Variants in ZSCAN29 observed in about 807,000 individuals in gnomAD.
The protein encoded by ZSCAN29 is zinc finger and SCAN domain containing 29, also known as zinc finger and SCAN domain-containing protein 29.
Under a neutral mutation model 71.9 loss-of-function variants are expected in ZSCAN29, and 55 were observed. The observed-to-expected ratio is 0.76, with a 90% CI of 0.62 to 0.96. ZSCAN29 has a LOEUF of 0.96. Ranked by LOEUF, ZSCAN29 falls within the 40% of genes least tolerant of loss-of-function variation. The pLI is 0.00. For synonymous variants in ZSCAN29, 351 were observed against 371.6 expected, an observed-to-expected ratio of 0.94 and a Z score of 0.64; for missense variants, 1,042 against 1,042.2, an observed-to-expected ratio of 1.00 and a Z score of 0.00.
rs2142743559 is a variant in ZSCAN29, at chr15:43,370,582, G to T, written c.-137C>A. 6.5e-6 allele frequency: 1 copy of T among 152,786 alleles called. No homozygotes were observed. The highest frequency in any genetic ancestry group is 1.5e-5 in the Non-Finnish European group (1 of 68,402). 9.5% of individuals were successfully genotyped at this position (152,786 alleles called of 1,614,324 possible). A position where few individuals can be genotyped will look rare whatever the true frequency, so the allele number is the denominator to read the frequency against. ...CCTGTCGGAAAACCTCGCGCAAGGA[G>T]AGAAGCTGGTTTTGGCTCCAAAGCG... On this transcript the variant is annotated 5_prime_UTR_variant, in exon 1 of 6. Coordinates refer to ENST00000684362, the MANE Select transcript of ZSCAN29 (RefSeq NM_001372080.1).
chr15:43,362,440 G>T (rs909884467), intron 5 of ZSCAN29, among the ~76,000 whole-genome samples: 4 of 152,066 alleles, frequency 2.6e-5, no homozygotes, highest in African/African-American at 9.7e-5. Flanking sequence ...TCCAATATAC[G>T]TTGCAAGTAA....
At position 43,366,648 on chromosome 15, in the gene ZSCAN29, T is replaced by G. The variant is rs144725049; in HGVS notation, c.684A>C (p.Arg228Ser). The change falls in exon 4 of 6, where the codon AGA becomes AGC. Residue 228 changes from arginine to serine, a missense_variant. Arg to Ser is a moderately radical substitution (Grantham distance 110, BLOSUM62 -1). Transcript: ENST00000684362. Reference sequence around the variant, plus strand: ...TCCAGTGATCCTGTTCCACCCAGCTTCTTCTATCTTTCTTGGATGGTAACA... The same window carrying G: ...TCCAGTGATCCTGTTCCACCCAGCTGCTTCTATCTTTCTTGGATGGTAACA... ...ADLLPSKKDR[R>S]SWVEQDHWSF... 833 of 1,614,204 alleles carry G rather than the reference T, an allele frequency of 5.2e-4. 5 individuals are homozygous for G. In the Middle Eastern group the frequency reaches 5.4e-3, roughly 11 times the overall value.
rs73401911 is a variant in ZSCAN29 at position 43,366,638 on chromosome 15, C to G, written c.694G>C (p.Glu232Gln). The part of the protein sequence containing the change: ...PSKKDRRSWV[E>Q]QDHWSFEDEK... ...TCTTCAAAGCTCCAGTGATCCTGTT[C>G]CACCCAGCTTCTTCTATCTTTCTTG... Residue 232 changes from glutamate (E) to glutamine (Q), a missense_variant, in exon 4 of 6, where the codon GAA becomes CAA. Coordinates refer to ENST00000684362, the MANE Select transcript of ZSCAN29 (RefSeq NM_001372080.1). The G allele has an allele frequency of 5.6e-3, 8,983 of 1,614,194 alleles. 393 individuals are homozygous for G. In the African/African-American group the frequency reaches 0.095, roughly 17 times the overall value.
At chr15:43,368,746 A>G (rs1022619147) in intron 3 of ZSCAN29, among the ~76,000 whole-genome samples, 177 bp downstream of exon 3, 1 of 152,214 alleles carries the variant, frequency 6.6e-6, no homozygotes, top group African/African-American at 2.4e-5. Context: ...CTAGGGAGCC[A>G]TTCTCTTGTG....
chr15:43,362,126 T>C (rs921153470), intron 5 of ZSCAN29, among the ~76,000 whole-genome samples, 185 bp from the exon 6 acceptor site: 1 of 152,238 alleles, frequency 6.6e-6, no homozygotes, highest in Non-Finnish European at 1.5e-5. Flanking sequence ...TAACCTATCA[T>C]GTGCTTCTCA....
In ZSCAN29 at chr15:43,358,509, A is replaced by AT. The variant is rs1274800631; in HGVS notation, c.*2563dup. ...TCCCTTAATTCCTAATAAATATTAGATTTTTTTGTACTAAGATTCAACAGC... is the reference window on the plus strand; with the variant it reads ...TCCCTTAATTCCTAATAAATATTAGATTTTTTTTGTACTAAGATTCAACAGC... On this transcript the variant is annotated 3_prime_UTR_variant, in exon 6 of 6. Transcript: ENST00000684362. 1.3e-5 allele frequency: 2 copies of AT among 152,178 alleles called. No individual in the cohort carries two copies. Among genetic ancestry groups the AT allele is most frequent in the South Asian group, 2.1e-4 (1 of 4,828 alleles). 9.4% of individuals were successfully genotyped at this position (152,178 alleles called of 1,614,324 possible).
Position 43,366,518 on chromosome 15 carries a change from A to C in ZSCAN29, c.814T>G (p.Cys272Gly). 1 of 1,614,236 alleles carries C rather than the reference A, an allele frequency of 6.2e-7. No homozygotes were observed. Residue 272 changes from cysteine (C) to glycine (G), a missense_variant, in exon 4 of 6, where the codon TGC becomes GGC. Cys to Gly is a radical substitution (Grantham distance 159, BLOSUM62 -3). Transcript: ENST00000684362. ...CCATACACTTGGCTGTTCCTATGGC[A>C]GTTTCTGAGAGCCTCATAAAACTCA... The part of the protein sequence containing the change: ...QTEFYEALRN[C>G]HRNSQVYGAV...
rs557247942 is a variant in ZSCAN29, at chr15:43,362,091, C to A, written c.1691-150G>T. The stretch of plus-strand genomic sequence containing the variant: ...ATAACTACCATTATCTTATTAAAAT[C>A]CCAATGTTTTACTTCTCTACTTGTT... On this transcript the variant is annotated intron_variant, in intron 5 of 5. Transcript: ENST00000684362. 6 of 790,904 alleles carry A rather than the reference C, an allele frequency of 7.6e-6. No homozygotes were observed. The African/African-American group carries it at 1.0e-4, about 14-fold the overall frequency. The allele number at this position is 790,904 out of a possible 1,614,324, so 49.0% of individuals were successfully genotyped here. A position where few individuals can be genotyped will look rare whatever the true frequency, so the allele number is the denominator to read the frequency against.
rs1206644896 is a variant in ZSCAN29 at position 43,358,522 on chromosome 15, A to G, written c.*2551T>C. ...AATAAATATTAGATTTTTTTGTACT[A>G]AGATTCAACAGCAGAATCCTAATTA... On this transcript the variant is annotated 3_prime_UTR_variant, in exon 6 of 6. Coordinates refer to ENST00000684362, the MANE Select transcript of ZSCAN29 (RefSeq NM_001372080.1). The G allele has an allele frequency of 6.6e-6, 1 of 152,218 alleles. No individual in the cohort carries two copies. Among genetic ancestry groups the G allele is most frequent in the Non-Finnish European group, 1.5e-5 (1 of 68,046 alleles). 9.4% of individuals were successfully genotyped at this position (152,218 alleles called of 1,614,324 possible).
At position 43,364,241 on chromosome 15, in the gene ZSCAN29, A is replaced by G; in HGVS notation, c.1364T>C (p.Leu455Pro). The change falls in exon 5 of 6, where the codon CTT becomes CCT. Residue 455 changes from leucine to proline, a missense_variant. Leu to Pro is a moderately conservative substitution (Grantham distance 98). Transcript: ENST00000684362. The stretch of plus-strand genomic sequence containing the variant: ...GGTCCGACACTGTTCTGGGGTCCTA[A>G]GAAAGCCATATTCCCATAACCTCTC... The part of the protein sequence containing the change: ...VAERLWEYGF[L>P]RTPEQCRTKF... The G allele has an allele frequency of 6.2e-7, 1 of 1,614,214 alleles. No individual in the cohort carries two copies. Among genetic ancestry groups the G allele is most frequent in the East Asian group, 2.2e-5 (1 of 44,886 alleles).
In ZSCAN29 at chr15:43,366,727, T is replaced by C. The variant is rs540688919; in HGVS notation, c.605A>G (p.Glu202Gly). ...GTGGCTGCCACTTGGAAGTTCTTTC[T>C]CCTTAGAGCCCAGCAGATCTGGGAT... is the stretch of plus-strand genomic sequence containing the variant. ...PWIPDLLGSK[E>G]KELPSGSHIG... The change falls in exon 4 of 6, where the codon GAG becomes GGG. Residue 202 changes from glutamate to glycine, a missense_variant. Transcript: ENST00000684362. The C allele has an allele frequency of 6.2e-6, 10 of 1,614,192 alleles. No homozygotes were observed. In the East Asian group the frequency reaches 2.2e-4, roughly 36 times the overall value.
rs781695131 is a variant in ZSCAN29, at chr15:43,364,311, G to C, written c.1294C>G (p.Leu432Val). ...TGGCTGTTGCGGTGACAGTTCCGGA[G>C]GGCTTCATAAAACTGGGTCTCACTA... ...ILSETQFYEA[L>V]RNCHRNSQLY... The change falls in exon 5 of 6, where the codon CTC becomes GTC. Residue 432 changes from leucine (L) to valine (V), a missense_variant. Leu to Val is a conservative substitution (Grantham distance 32). Transcript: ENST00000684362. 1 of 1,614,116 alleles carries C rather than the reference G, an allele frequency of 6.2e-7. No individual in the cohort carries two copies. The highest frequency in any genetic ancestry group is 8.5e-7 in the Non-Finnish European group (1 of 1,180,036).
rs747666309 is a variant in ZSCAN29 at position 43,361,278 on chromosome 15, G to C, written c.2354C>G (p.Thr785Arg). The C allele has an allele frequency of 8.7e-6, 14 of 1,614,008 alleles. 1 individual carries two copies. In the South Asian group the frequency reaches 1.5e-4, roughly 18 times the overall value. The change falls in exon 6 of 6, where the codon ACA becomes AGA. Residue 785 changes from threonine to arginine, a missense_variant. Physicochemically the swap from Thr to Arg is moderately conservative, Grantham distance 71. Transcript: ENST00000684362. ...SHFSAHRRIHTGERPHVCPDC... is the reference protein window; with the variant it reads ...SHFSAHRRIHRGERPHVCPDC... ...AGGACACACATGGGGTCTCTCTCCTGTGTGTATCCTCCGATGTGCACTAAA... is the reference window on the plus strand; with the variant it reads ...AGGACACACATGGGGTCTCTCTCCTCTGTGTATCCTCCGATGTGCACTAAA...
Position 43,361,016 on chromosome 15 carries a change from A to C in ZSCAN29, c.*57T>G. 1 of 1,517,136 alleles carries C rather than the reference A, an allele frequency of 6.6e-7. No individual in the cohort carries two copies. The highest frequency in any genetic ancestry group is 8.8e-7 in the Non-Finnish European group (1 of 1,133,464). 94.0% of individuals were successfully genotyped at this position (1,517,136 alleles called of 1,614,324 possible). On this transcript the variant is annotated 3_prime_UTR_variant, in exon 6 of 6. Coordinates refer to ENST00000684362, the MANE Select transcript of ZSCAN29 (RefSeq NM_001372080.1). ...AATAGTAGATGAATCTCACTATTGG[A>C]AGACTTTCTAAACAATACATTTATT...
chr15:43,361,078 TG>T lies in ZSCAN29; in HGVS notation c.2553del (p.Lys852SerfsTer18). The T allele has an allele frequency of 6.3e-7, 1 of 1,593,810 alleles. No homozygotes were observed. The highest frequency in any genetic ancestry group is 8.6e-7 in the Non-Finnish European group (1 of 1,167,228). On this transcript the variant is annotated frameshift_variant, in exon 6 of 6. Coordinates refer to ENST00000684362, the MANE Select transcript of ZSCAN29 (RefSeq NM_001372080.1). LOFTEE classifies it high-confidence loss of function. ...CGTTATATATCCTCAGGGGCTTACT[TG>T]GGAGCTGACTGTGTCAGAAGCTTTT... ...AREKLLTQSA[P>X]K
In ZSCAN29 at chr15:43,361,760, TTTCTC is replaced by T. The variant is rs772669995; in HGVS notation, c.1867_1871del (p.Glu623LysfsTer13). Reference sequence around the variant, plus strand: ...TCTCCGGGAGTGTCAGTTTTCCTCTTTTCTCCCCTGAGGTCTTTGCCCACTGTCTT... The same window carrying T: ...TCTCCGGGAGTGTCAGTTTTCCTCTTCCCTGAGGTCTTTGCCCACTGTCTT... On this transcript the variant is annotated frameshift_variant, in exon 6 of 6. Transcript: ENST00000684362. LOFTEE classifies it high-confidence loss of function. The T allele has an allele frequency of 2.5e-6, 4 of 1,614,058 alleles. No homozygotes were observed. In the Admixed American group the frequency reaches 6.7e-5, roughly 27 times the overall value.
chr15:43,366,222 C>T lies in ZSCAN29; in HGVS notation c.1110G>A (p.Glu370=), dbSNP rs2044035097. Residue 370 remains glutamate (E), a synonymous_variant, in exon 4 of 6, where the codon GAG becomes GAA. Transcript: ENST00000684362. The part of the protein sequence containing the change: ...EEPGQRGWQH[E]EGAEEAVAQE... ...GAGCCACAGCCTCTTCTGCTCCCTC[C>T]TCATGCTGCCAGCCCCTCTGCCCTG... 6.2e-7 allele frequency: 1 copy of T among 1,613,138 alleles called. No individual in the cohort carries two copies. The highest frequency in any genetic ancestry group is 8.5e-7 in the Non-Finnish European group (1 of 1,180,002).
At chr15:43,362,053 C>T (rs1340073163) in intron 5 of ZSCAN29, 112 bp from the exon 6 acceptor site, 33 of 1,066,830 alleles carry the variant, frequency 3.1e-5, no homozygotes, top group Non-Finnish European at 3.0e-5. Context: ...ATTTAGGGAG[C>T]CCTAGATCCC....
chr15:43,367,583 C>T (rs1380751193), intron 3 of ZSCAN29, among the ~76,000 whole-genome samples: 2 of 152,230 alleles, frequency 1.3e-5, no homozygotes, highest in Non-Finnish European at 2.9e-5. Flanking sequence ...CCATACGGTA[C>T]TCACACAATT....
Sources: gnomAD v4.1 joint callset for allele counts (sites outside exome capture counted in the v4.1 genomes callset) on GRCh38, gnomAD v4.1.1 for gene constraint, MANE v1.5 for transcripts, NCBI Gene and HGNC (gene_info 2026-07-23, HGNC 2026-07-21) for gene names.